BORCS7: variants seen among roughly 807,000 people sequenced by gnomAD.
The protein encoded by BORCS7 is BLOC-1-related complex subunit 7.
In BORCS7, 20 loss-of-function variants were observed where a neutral mutation model predicts 17.5. The observed-to-expected ratio is 1.14, with a 90% CI of 0.80 to 1.66. The LOEUF (loss-of-function observed/expected upper bound fraction) is 1.66, where lower values mean the gene tolerates loss of function less well. Among genes scored for constraint, BORCS7 ranks in the 40% most tolerant of loss-of-function variants. The probability of loss-of-function intolerance (pLI) is 0.00; values close to 1 mark genes in which losing one functional copy is unlikely to be tolerated. For synonymous variants in BORCS7, 57 were observed against 49.8 expected (o/e 1.14, Z -0.61); for missense variants, 122 against 129.7 (o/e 0.94, Z 0.29).
chr10:102,854,484 T>C (rs993495623), intron 1 of BORCS7, 57 bp downstream of exon 1: 320 of 1,502,298 alleles, frequency 2.1e-4, no homozygotes, highest in Admixed American at 3.1e-4. Context: ...AGTCTTTCGT[T>C]GCTGTGGGAA....
chr10:102,854,264 T>C lies in BORCS7; in HGVS notation c.-23T>C. 1 of 1,602,778 alleles carries C rather than the reference T, an allele frequency of 6.2e-7. No individual in the cohort carries two copies. Among genetic ancestry groups the C allele is most frequent in the Non-Finnish European group, 8.5e-7 (1 of 1,174,716 alleles). On this transcript the variant is annotated 5_prime_UTR_variant, in exon 1 of 5. Coordinates refer to ENST00000339834, the MANE Select transcript of BORCS7 (RefSeq NM_001136200.2). Reference sequence around the variant, plus strand: ...GGCCCCGGCGACTCACCATCGTCAGTGCGCAACCGTTCGCTAACTGAAATG... The same window carrying C: ...GGCCCCGGCGACTCACCATCGTCAGCGCGCAACCGTTCGCTAACTGAAATG...
intron 3 of BORCS7, chr10:102,860,748 CT>C: frequency 1.6e-6 from 1 of 614,888 alleles, no homozygotes; most frequent in Non-Finnish European, 2.9e-6. Flanking sequence ...AGAGTCCACC[CT>C]TTATGAACCT....
At chr10:102,862,795 A>G (rs1028492569) in intron 4 of BORCS7, 78 bp from the exon 5 acceptor site, 2 of 1,404,280 alleles carry the variant, frequency 1.4e-6, no homozygotes, top group Non-Finnish European at 2.0e-6. Context: ...TGGAAAAAAA[A>G]AATTTGTAAA....
At chr10:102,855,638 A>G (rs1022343056) in intron 1 of BORCS7, among the ~76,000 whole-genome samples, 1 of 152,216 alleles carries the variant, frequency 6.6e-6, no homozygotes, top group Non-Finnish European at 1.5e-5. Flanking sequence ...GGAAGTTTAC[A>G]TTTTAGTGAA....
At chr10:102,861,956 C>T (rs929324677) in intron 3 of BORCS7, among the ~76,000 whole-genome samples, 1 of 152,154 alleles carries the variant, frequency 6.6e-6, no homozygotes, top group Non-Finnish European at 1.5e-5. Context: ...ATGTTACTAT[C>T]TGTTTGGGTT....
intron 1 of BORCS7, among the ~76,000 whole-genome samples, chr10:102,858,565 T>C (rs1363306535): frequency 6.6e-6 from 1 of 151,714 alleles, no homozygotes; most frequent in Non-Finnish European, 1.5e-5. Flanking sequence ...CAGGAGAATC[T>C]CTTGAATCCA....
At chr10:102,861,122 TATATG>T (rs1364262291) in intron 3 of BORCS7, among the ~76,000 whole-genome samples, 1 of 152,122 alleles carries the variant, frequency 6.6e-6, no homozygotes, top group African/African-American at 2.4e-5. Flanking sequence ...CTCTTAGAAA[TATATG>T]GTTGGGGCTG....
intron 3 of BORCS7, 138 bp downstream of exon 3, chr10:102,860,679 G>A (rs1056073582): frequency 9.8e-6 from 8 of 819,500 alleles, no homozygotes; most frequent in African/African-American, 5.1e-5. Flanking sequence ...TGACTTTCTC[G>A]ATGGCAAAGA....
In BORCS7 at chr10:102,864,659, A is replaced by T. The variant is rs1309588048; in HGVS notation, c.*1735A>T. 1 of 152,160 alleles carries T rather than the reference A, an allele frequency of 6.6e-6. No homozygotes were observed. Among genetic ancestry groups the T allele is most frequent in the Non-Finnish European group, 1.5e-5 (1 of 67,996 alleles). The allele number at this position is 152,160 out of a possible 1,614,324, so 9.4% of individuals were successfully genotyped here. On this transcript the variant is annotated 3_prime_UTR_variant, in exon 5 of 5. Transcript: ENST00000339834. ...AAATAATGAAAACGTATTTGTACTGAATTTAGTCACTAGAGAACATCGTAA... is the reference window on the plus strand; with the variant it reads ...AAATAATGAAAACGTATTTGTACTGTATTTAGTCACTAGAGAACATCGTAA...
In BORCS7 at chr10:102,863,024, A is replaced by G; in HGVS notation, c.*100A>G. On this transcript the variant is annotated 3_prime_UTR_variant, in exon 5 of 5. Coordinates refer to ENST00000339834, the MANE Select transcript of BORCS7 (RefSeq NM_001136200.2). The stretch of plus-strand genomic sequence containing the variant: ...GGTTTGGTTTTCTATTTTCTTCTCC[A>G]AAAGTTAAGTTAGAAAAGTTCTGTG... 1 of 1,164,252 alleles carries G rather than the reference A, an allele frequency of 8.6e-7. No individual in the cohort carries two copies. Among genetic ancestry groups the G allele is most frequent in the Admixed American group, 1.8e-5 (1 of 56,000 alleles). 72.1% of individuals were successfully genotyped at this position (1,164,252 alleles called of 1,614,324 possible). A position where few individuals can be genotyped will look rare whatever the true frequency, so the allele number is the denominator to read the frequency against.
rs1448684898 is a variant in BORCS7, at chr10:102,864,683, A to G, written c.*1759A>G. On this transcript the variant is annotated 3_prime_UTR_variant, in exon 5 of 5. Transcript: ENST00000339834. ...GAATTTAGTCACTAGAGAACATCGT[A>G]ACAAAATACATGAAACAAAAGTAGC... 1 of 152,190 alleles carries G rather than the reference A, an allele frequency of 6.6e-6. No homozygotes were observed. The highest frequency in any genetic ancestry group is 1.5e-5 in the Non-Finnish European group (1 of 68,002). 9.4% of individuals were successfully genotyped at this position (152,190 alleles called of 1,614,324 possible). A position where few individuals can be genotyped will look rare whatever the true frequency, so the allele number is the denominator to read the frequency against.
intron 1 of BORCS7, among the ~76,000 whole-genome samples, chr10:102,856,121 A>G (rs961664750): frequency 6.6e-6 from 1 of 152,222 alleles, no homozygotes; most frequent in Non-Finnish European, 1.5e-5. Flanking sequence ...AGAGCCTGTG[A>G]GGAGAAACAC....
At chr10:102,856,791 A>G (rs1255457204) in intron 1 of BORCS7, among the ~76,000 whole-genome samples, 2 of 152,222 alleles carry the variant, frequency 1.3e-5, no homozygotes, top group Non-Finnish European at 2.9e-5. Flanking sequence ...GCCAATGAAT[A>G]TATCAAGGAA....
intron 1 of BORCS7, 79 bp from the exon 2 acceptor site, chr10:102,860,253 A>T: frequency 8.7e-7 from 1 of 1,147,772 alleles, no homozygotes; most frequent in Non-Finnish European, 1.3e-6. Flanking sequence ...GAGAGAGGGT[A>T]GTAGTGTAAC....
In BORCS7 at chr10:102,864,721, A is replaced by G. The variant is rs1379893664; in HGVS notation, c.*1797A>G. ...AAACAAAAGTAGCCAGAAATGTTAGAACAGGTGGAAATGTATACATTATTT... is the reference window on the plus strand; with the variant it reads ...AAACAAAAGTAGCCAGAAATGTTAGGACAGGTGGAAATGTATACATTATTT... On this transcript the variant is annotated 3_prime_UTR_variant, in exon 5 of 5. Transcript: ENST00000339834. 4 of 152,194 alleles carry G rather than the reference A, an allele frequency of 2.6e-5. No homozygotes were observed. The highest frequency in any genetic ancestry group is 5.9e-5 in the Non-Finnish European group (4 of 68,022). 9.4% of individuals were successfully genotyped at this position (152,194 alleles called of 1,614,324 possible).
rs1844567094 is a variant in BORCS7 at position 102,864,664 on chromosome 10, A to G, written c.*1740A>G. 6.6e-6 allele frequency: 1 copy of G among 152,144 alleles called. No homozygotes were observed. The highest frequency in any genetic ancestry group is 2.1e-4 in the South Asian group (1 of 4,834). The allele number at this position is 152,144 out of a possible 1,614,324, so 9.4% of individuals were successfully genotyped here. ...ATGAAAACGTATTTGTACTGAATTT[A>G]GTCACTAGAGAACATCGTAACAAAA... On this transcript the variant is annotated 3_prime_UTR_variant, in exon 5 of 5. Coordinates refer to ENST00000339834, the MANE Select transcript of BORCS7 (RefSeq NM_001136200.2).
chr10:102,854,461 TC>T (rs1844392083), intron 1 of BORCS7, 34 bp downstream of exon 1: 1 of 1,510,446 alleles, frequency 6.6e-7, no homozygotes, highest in Non-Finnish European at 8.9e-7. Flanking sequence ...GGCCTGATAG[TC>T]CGGGGAGTCG....
In BORCS7 at chr10:102,864,710, A is replaced by G. The variant is rs1360882988; in HGVS notation, c.*1786A>G. On this transcript the variant is annotated 3_prime_UTR_variant, in exon 5 of 5. Transcript: ENST00000339834. ...CAAAATACATGAAACAAAAGTAGCC[A>G]GAAATGTTAGAACAGGTGGAAATGT... 6.6e-6 allele frequency: 1 copy of G among 152,188 alleles called. No individual in the cohort carries two copies. The highest frequency in any genetic ancestry group is 1.5e-5 in the Non-Finnish European group (1 of 68,008). The allele number at this position is 152,188 out of a possible 1,614,324, so 9.4% of individuals were successfully genotyped here.
At chr10:102,856,371 G>C (rs1208148451) in intron 1 of BORCS7, among the ~76,000 whole-genome samples, 1 of 150,928 alleles carries the variant, frequency 6.6e-6, no homozygotes, top group Non-Finnish European at 1.5e-5. Flanking sequence ...GCCACATAGT[G>C]ATATCTTGTC....
Sources: allele counts gnomAD v4.1 joint callset (sites outside exome capture counted in the v4.1 genomes callset), GRCh38; gene constraint gnomAD v4.1.1; transcripts MANE v1.5; gene names NCBI Gene and HGNC (gene_info 2026-07-23, HGNC 2026-07-21).